Variants in GTF2F2 observed in about 807,000 individuals in gnomAD.
The protein encoded by GTF2F2 is general transcription factor IIF subunit 2.
A neutral mutation model predicts 42.2 loss-of-function variants in GTF2F2; 23 were observed. That is an observed-to-expected ratio of 0.55 (90% CI 0.39 to 0.77). The LOEUF is 0.77. GTF2F2 is among the 30% of genes least tolerant of loss of function. The pLI is 0.00. For missense variants in GTF2F2, 261 were observed against 287.2 expected, an observed-to-expected ratio of 0.91 and a Z score of 0.66; for synonymous variants, 105 against 100.8, an observed-to-expected ratio of 1.04 and a Z score of -0.25.
intron 1 of GTF2F2, among the ~76,000 whole-genome samples, chr13:45,129,650 C>A (rs576753671): frequency 8.8e-4 from 134 of 152,334 alleles, no homozygotes; most frequent in African/African-American, 3.0e-3. Context: ...AATATCCACT[C>A]ATTAAAATGA....
chr13:45,218,444 A>T (rs1478428184), intron 5 of GTF2F2, among the ~76,000 whole-genome samples: 2 of 152,224 alleles, frequency 1.3e-5, no homozygotes, highest in African/African-American at 4.8e-5. Context: ...CAGAAAATTG[A>T]CACGATAATT....
chr13:45,257,826 G>T (rs1454616389), intron 6 of GTF2F2, among the ~76,000 whole-genome samples: 1 of 152,104 alleles, frequency 6.6e-6, no homozygotes, highest in African/African-American at 2.4e-5. Flanking sequence ...GCAGAAGAGC[G>T]GAAATGGGAC....
rs555462919 is a variant in GTF2F2 at position 45,273,117 on chromosome 13, G to A, written c.630+5741G>A. Among the ~76,000 whole-genome samples the A allele has an allele frequency of 5.9e-5, 9 of 151,640 alleles. No individual in the cohort carries two copies. In the East Asian group the frequency reaches 9.8e-4, roughly 17 times the overall value. On this transcript the variant is annotated intron_variant, in intron 7 of 7. Coordinates refer to ENST00000340473, the MANE Select transcript of GTF2F2 (RefSeq NM_004128.3). ...ATTTTCGTATTTTTTTAGTAGAGAC[G>A]GGGTTTCACCATCTTGGCCAGGCTG...
intron 7 of GTF2F2, among the ~76,000 whole-genome samples, chr13:45,273,969 A>G (rs1876914352): frequency 6.6e-6 from 1 of 152,192 alleles, no homozygotes; most frequent in African/African-American, 2.4e-5. Context: ...CTCTGCGTTT[A>G]AGAAAACATT....
chr13:45,150,137 T>G (rs1471955328), intron 3 of GTF2F2, among the ~76,000 whole-genome samples: 2 of 152,220 alleles, frequency 1.3e-5, no homozygotes, highest in Admixed American at 6.5e-5. Flanking sequence ...TGAGGCCAGT[T>G]TGTGATTTAC....
intron 7 of GTF2F2, among the ~76,000 whole-genome samples, chr13:45,269,328 T>A (rs747264551): frequency 1.3e-5 from 2 of 152,144 alleles, no homozygotes; most frequent in African/African-American, 2.4e-5. Flanking sequence ...GCCTCTCACG[T>A]CATTTATAGT....
intron 5 of GTF2F2, chr13:45,219,454 A>G (rs763618479): frequency 3.3e-5 from 5 of 152,212 alleles, no homozygotes; most frequent in Non-Finnish European, 5.9e-5. Context: ...TGTTAGTACC[A>G]TGGTTCCGTT....
chr13:45,181,185 C>A (rs75819273), intron 4 of GTF2F2, among the ~76,000 whole-genome samples: 20,470 of 119,908 alleles, frequency 0.17, 2,221 homozygotes, highest in African/African-American at 0.22. Flanking sequence ...AAAAAACAAA[C>A]AAACAAAAAA....
At chr13:45,240,101 A>ATTTTTTT (rs34744288) in intron 5 of GTF2F2, among the ~76,000 whole-genome samples, 6 of 91,102 alleles carry the variant, frequency 6.6e-5, no homozygotes, top group African/African-American at 1.1e-4. Flanking sequence ...ATGTAGAGGG[A>ATTTTTTT]TTTTTTTTTT....
chr13:45,278,513 A>T (rs940564118), intron 7 of GTF2F2, among the ~76,000 whole-genome samples: 1 of 152,116 alleles, frequency 6.6e-6, no homozygotes. Context: ...ACATATCCCC[A>T]ATCCTATGTG....
chr13:45,120,632 C>G lies in GTF2F2; in HGVS notation c.-24C>G. ...CTCCTGGGGTCGCTGCTGCATCCCG[C>G]ACGCCTCCACCGGCTGCAGACCCAT... On this transcript the variant is annotated 5_prime_UTR_variant, in exon 1 of 8. Coordinates refer to ENST00000340473, the MANE Select transcript of GTF2F2 (RefSeq NM_004128.3). The G allele has an allele frequency of 6.5e-7, 1 of 1,546,490 alleles. No individual in the cohort carries two copies. The highest frequency in any genetic ancestry group is 8.8e-7 in the Non-Finnish European group (1 of 1,142,002).
intron 1 of GTF2F2, among the ~76,000 whole-genome samples, chr13:45,126,530 G>A (rs535409944): frequency 1.2e-4 from 18 of 152,290 alleles, no homozygotes; most frequent in South Asian, 8.3e-4. Context: ...GATTACAGGC[G>A]TAAGCCACTG....
chr13:45,139,534 G>C (rs946832750), intron 2 of GTF2F2, among the ~76,000 whole-genome samples: 6 of 151,876 alleles, frequency 4.0e-5, no homozygotes, highest in Admixed American at 2.6e-4. Flanking sequence ...TTTCTTTTCG[G>C]TCTCTGTTCA....
intron 4 of GTF2F2, among the ~76,000 whole-genome samples, chr13:45,195,630 T>C (rs961548999): frequency 6.6e-6 from 1 of 152,128 alleles, no homozygotes; most frequent in African/African-American, 2.4e-5. Flanking sequence ...GATGTCACCC[T>C]CCACTTCTCA....
At chr13:45,180,681 C>T (rs944048489) in intron 4 of GTF2F2, among the ~76,000 whole-genome samples, 2 of 151,760 alleles carry the variant, frequency 1.3e-5, no homozygotes, top group African/African-American at 4.8e-5. Context: ...AGTTACCTTA[C>T]TTTGTTGCTT....
intron 5 of GTF2F2, among the ~76,000 whole-genome samples, chr13:45,212,472 T>A: frequency 8.0e-6 from 1 of 124,668 alleles, no homozygotes; most frequent in East Asian, 2.0e-4. Flanking sequence ...TCTTTCTTTC[T>A]TTCTTTCTTT....
At chr13:45,202,327 C>T (rs865879304) in intron 4 of GTF2F2, among the ~76,000 whole-genome samples, 2 of 152,126 alleles carry the variant, frequency 1.3e-5, no homozygotes, top group African/African-American at 4.8e-5. Flanking sequence ...GCGGAGGTTG[C>T]GGTGAGCCAA....
At chr13:45,282,427 A>G (rs1877303573) in intron 7 of GTF2F2, among the ~76,000 whole-genome samples, 6 of 152,184 alleles carry the variant, frequency 3.9e-5, no homozygotes. Context: ...ACACCATAAT[A>G]TGACTCTTTT....
intron 4 of GTF2F2, among the ~76,000 whole-genome samples, chr13:45,153,587 T>A (rs1166986573): frequency 6.6e-6 from 1 of 152,162 alleles, no homozygotes; most frequent in Non-Finnish European, 1.5e-5. Flanking sequence ...CAACAAATAT[T>A]TATTGCGTGC....
Sources: gnomAD v4.1 joint callset for allele counts (sites outside exome capture counted in the v4.1 genomes callset) on GRCh38, gnomAD v4.1.1 for gene constraint, MANE v1.5 for transcripts, NCBI Gene and HGNC (gene_info 2026-07-23, HGNC 2026-07-21) for gene names.